Variants in ONECUT1 observed in about 807,000 individuals in gnomAD.
ONECUT1 encodes the protein one cut homeobox 1.
A neutral mutation model predicts 25.6 loss-of-function variants in ONECUT1; 12 were observed. The ratio of observed to expected loss-of-function variants is 0.47; its 90% confidence interval spans 0.30 to 0.76. The LOEUF is 0.76. Ranked by LOEUF, ONECUT1 falls within the 30% of genes least tolerant of loss-of-function variation. The pLI, the probability that ONECUT1 is intolerant of heterozygous loss-of-function variation, is 0.07. For synonymous variants in ONECUT1, 285 were observed against 270.2 expected, an observed-to-expected ratio of 1.05 and a Z score of -0.54; for missense variants, 620 against 651.2, an observed-to-expected ratio of 0.95 and a Z score of 0.52.
chr15:52,755,155 C>CA lies in ONECUT1; in HGVS notation c.*2399dup, dbSNP rs2083668223. On this transcript the variant is annotated 3_prime_UTR_variant, in exon 2 of 2. Transcript: ENST00000305901. ...AATTTGGTAAGATTGTGTGTAGACA[C>CA]AGCTTGAATTTCCCTGCATTTAGAA... is the stretch of plus-strand genomic sequence containing the variant. Among the ~76,000 whole-genome samples, 1 of 151,958 alleles carries CA rather than the reference C, an allele frequency of 6.6e-6. No individual in the cohort carries two copies. Among genetic ancestry groups the CA allele is most frequent in the Non-Finnish European group, 1.5e-5 (1 of 68,000 alleles).
At chr15:52,780,030 G>A (rs1172528913) in intron 1 of ONECUT1, among the ~76,000 whole-genome samples, 1 of 152,186 alleles carries the variant, frequency 6.6e-6, no homozygotes, top group East Asian at 1.9e-4. Context: ...TTTTCCTTCT[G>A]GAGCTGTGTC....
Position 52,784,093 on chromosome 15 carries a change from GCGCGCGCCGCAGC to G in ONECUT1, c.1105+4674_1105+4686del, listed in dbSNP as rs2083858643. The stretch of plus-strand genomic sequence containing the variant: ...GCCCAGCCCCGACGGCCCGCAGGGG[GCGCGCGCCGCAGC>G]CGCAGCACAGCCCGGCTACCCCCAG... On this transcript the variant is annotated intron_variant, in intron 1 of 1. Coordinates refer to ENST00000305901, the MANE Select transcript of ONECUT1 (RefSeq NM_004498.4). This position sits in a 1 kb window ranked among gnomAD's most constrained non-coding sequence, Gnocchi z 5.0. Among the ~76,000 whole-genome samples, 1 of 152,240 alleles carries G rather than the reference GCGCGCGCCGCAGC, an allele frequency of 6.6e-6. No homozygotes were observed. Among genetic ancestry groups the G allele is most frequent in the Non-Finnish European group, 1.5e-5 (1 of 68,042 alleles).
At chr15:52,776,862 T>C (rs1029271701) in intron 1 of ONECUT1, among the ~76,000 whole-genome samples, 1 of 152,186 alleles carries the variant, frequency 6.6e-6, no homozygotes, top group Non-Finnish European at 1.5e-5. Flanking sequence ...TTTTGAGTGA[T>C]GTAACATGGC....
At chr15:52,763,364 G>C (rs13379691) in intron 1 of ONECUT1, among the ~76,000 whole-genome samples, 17,880 of 151,966 alleles carry the variant, frequency 0.12, 2,176 homozygotes, top group African/African-American at 0.32. Flanking sequence ...GTGTGCCACG[G>C]GAATAAAAGA....
chr15:52,787,344 G>C (rs1007230073), intron 1 of ONECUT1, among the ~76,000 whole-genome samples: 1 of 152,072 alleles, frequency 6.6e-6, no homozygotes, highest in Non-Finnish European at 1.5e-5. Flanking sequence ...CCCAAAGAAC[G>C]CTTTGGGTCG....
intron 1 of ONECUT1, among the ~76,000 whole-genome samples, chr15:52,769,066 C>T (rs1476439325): frequency 6.6e-6 from 1 of 152,196 alleles, no homozygotes; most frequent in Non-Finnish European, 1.5e-5. Context: ...AAGATGTCTC[C>T]TACATCCAGA....
chr15:52,755,704 C>T lies in ONECUT1; in HGVS notation c.*1851G>A, dbSNP rs1010801837. Among the ~76,000 whole-genome samples the T allele has an allele frequency of 6.6e-6, 1 of 152,184 alleles. No homozygotes were observed. The highest frequency in any genetic ancestry group is 2.4e-5 in the African/African-American group (1 of 41,460). ...AATGAATCTCAATAAAACAACTTAT[C>T]ATTAGGATAACATTTAATTTCATAG... On this transcript the variant is annotated 3_prime_UTR_variant, in exon 2 of 2. Transcript: ENST00000305901.
chr15:52,777,759 T>A (rs1188902097), intron 1 of ONECUT1, among the ~76,000 whole-genome samples: 1 of 136,424 alleles, frequency 7.3e-6, no homozygotes, highest in African/African-American at 3.1e-5. Context: ...TAAAGTTATT[T>A]GTTCTCTTCC....
In ONECUT1 at chr15:52,780,671, A is replaced by G. The variant is rs887324245; in HGVS notation, c.1105+8109T>C. 5.2e-6 allele frequency: 8 copies of G among 1,533,502 alleles called. No individual in the cohort carries two copies. In the African/African-American group the frequency reaches 9.6e-5, roughly 18 times the overall value. The allele number at this position is 1,533,502 out of a possible 1,614,324, so 95.0% of individuals were successfully genotyped here. A position where few individuals can be genotyped will look rare whatever the true frequency, so the allele number is the denominator to read the frequency against. ...CTCCTCTCACGCACTTCAGTCGCAG[A>G]ATCTGCAGCGAGCACAGAGGTCACT... On this transcript the variant is annotated intron_variant, in intron 1 of 1. Transcript: ENST00000305901.
intron 1 of ONECUT1, among the ~76,000 whole-genome samples, chr15:52,768,406 T>C (rs1003344099): frequency 6.6e-6 from 1 of 152,212 alleles, no homozygotes; most frequent in Non-Finnish European, 1.5e-5. Flanking sequence ...ACTTCTGTTA[T>C]TGGCTGATCA....
At chr15:52,780,683 G>A in intron 1 of ONECUT1, 1 of 1,530,552 alleles carries the variant, frequency 6.5e-7, no homozygotes. Flanking sequence ...TCTGCAGCGA[G>A]CACAGAGGTC....
chr15:52,768,853 T>C (rs906328104), intron 1 of ONECUT1, among the ~76,000 whole-genome samples: 3 of 152,188 alleles, frequency 2.0e-5, no homozygotes, highest in Non-Finnish European at 4.4e-5. Flanking sequence ...TACAATTAGT[T>C]TCACAAGGGT....
At chr15:52,777,663 C>T (rs1003569962) in intron 1 of ONECUT1, among the ~76,000 whole-genome samples, 2 of 148,168 alleles carry the variant, frequency 1.3e-5, no homozygotes, top group Non-Finnish European at 3.0e-5. Flanking sequence ...CAAAATTGTC[C>T]CTTCATCACA....
chr15:52,787,067 C>G (rs1018715604), intron 1 of ONECUT1: 2 of 152,568 alleles, frequency 1.3e-5, no homozygotes, highest in African/African-American at 4.8e-5. Flanking sequence ...CCACTCCCTC[C>G]GGAACCTCAG....
chr15:52,774,458 GC>G (rs1407067684), intron 1 of ONECUT1, among the ~76,000 whole-genome samples: 2 of 151,998 alleles, frequency 1.3e-5, no homozygotes, highest in Non-Finnish European at 2.9e-5. Context: ...GCGCCACCAT[GC>G]CCAGCTAATT....
chr15:52,779,011 T>C (rs1302727582), intron 1 of ONECUT1, among the ~76,000 whole-genome samples: 2 of 149,288 alleles, frequency 1.3e-5, no homozygotes, highest in African/African-American at 2.5e-5. Flanking sequence ...TTTTTTTTTG[T>C]AACTGAAGAT....
intron 1 of ONECUT1, among the ~76,000 whole-genome samples, chr15:52,766,268 A>C (rs536030397): frequency 1.2e-4 from 18 of 149,316 alleles, no homozygotes; most frequent in African/African-American, 4.5e-4. Context: ...AAACCCTGTC[A>C]GAGAGGTTAG....
rs1000448091 is a variant in ONECUT1 at position 52,780,979 on chromosome 15, C to T, written c.1105+7801G>A. 6.0e-5 allele frequency: 53 copies of T among 890,268 alleles called. No homozygotes were observed. In the African/African-American group the frequency reaches 8.9e-4, roughly 15 times the overall value. 55.1% of individuals were successfully genotyped at this position (890,268 alleles called of 1,614,324 possible). On this transcript the variant is annotated intron_variant, in intron 1 of 1. Transcript: ENST00000305901. ...TTGCAAGATGCCCTCTAGACAACTC[C>T]CAGCCTATATACTCTGTTTTGGTCA...
intron 1 of ONECUT1, among the ~76,000 whole-genome samples, chr15:52,767,473 T>C (rs996114267): frequency 2.0e-5 from 3 of 152,196 alleles, no homozygotes; most frequent in Admixed American, 1.3e-4. Context: ...GTCCTCTCGC[T>C]GGTCATTCAC....
Sources: gnomAD v4.1 joint callset for allele counts (sites outside exome capture counted in the v4.1 genomes callset) on GRCh38, gnomAD v4.1.1 for gene constraint, Gnocchi (gnomAD v3.1) non-coding constraint, MANE v1.5 for transcripts, NCBI Gene and HGNC (gene_info 2026-07-23, HGNC 2026-07-21) for gene names.